NR3C2: variants seen among roughly 807,000 people sequenced by gnomAD.
NR3C2 encodes mineralocorticoid receptor.
NR3C2 carries 15 observed loss-of-function variants against 86.4 expected under a neutral mutation model. The ratio of observed to expected loss-of-function variants is 0.17; its 90% confidence interval spans 0.12 to 0.27. The LOEUF is 0.27. NR3C2 is among the 10% of genes least tolerant of loss of function. The probability of loss-of-function intolerance (pLI) is 1.00; values close to 1 mark genes in which losing one functional copy is unlikely to be tolerated. For synonymous variants in NR3C2, 458 were observed against 450.5 expected (o/e 1.02, Z -0.21); for missense variants, 960 against 1,195.6 (o/e 0.80, Z 2.91).
intron 2 of NR3C2, among the ~76,000 whole-genome samples, chr4:148,417,869 A>G (rs1260587694): frequency 6.6e-6 from 1 of 152,206 alleles, no homozygotes; most frequent in Non-Finnish European, 1.5e-5. Flanking sequence ...AACAGTGCTT[A>G]TATTTGAATA....
intron 2 of NR3C2, among the ~76,000 whole-genome samples, chr4:148,290,319 G>C (rs944519622): frequency 6.6e-6 from 1 of 152,074 alleles, no homozygotes; most frequent in African/African-American, 2.4e-5. Context: ...CCAAATATAG[G>C]TACTGAGAGT....
At position 148,349,473 on chromosome 4, in the gene NR3C2, G is replaced by T. The variant is rs61761523; in HGVS notation, c.1757+85631C>A. 3.9e-3 allele frequency among the ~76,000 whole-genome samples: 586 copies of T among 152,156 alleles called. 5 individuals are homozygous for T. Among genetic ancestry groups the T allele is most frequent in the African/African-American group, 8.6e-3 (357 of 41,538 alleles). ...GTTAGAAAACAAACCTAAAAGAAAA[G>T]AAATTGTACTCAGAGAAAGAAGGAC... On this transcript the variant is annotated intron_variant, in intron 2 of 8. Transcript: ENST00000358102.
At chr4:148,115,214 G>A (rs887845802) in intron 7 of NR3C2, among the ~76,000 whole-genome samples, 1 of 152,158 alleles carries the variant, frequency 6.6e-6, no homozygotes, top group Non-Finnish European at 1.5e-5. Context: ...TCACTTAAAA[G>A]GAATACTTTG....
At position 148,401,285 on chromosome 4, in the gene NR3C2, GA is replaced by G. The variant is rs558649421; in HGVS notation, c.1757+33818del. ...GCGGAAGCATGGCAGAGGCTGCTAG[GA>G]GAATATCCATTCTCCTGTCTCCCTA... On this transcript the variant is annotated intron_variant, in intron 2 of 8. Coordinates refer to ENST00000358102, the MANE Select transcript of NR3C2 (RefSeq NM_000901.5). Among the ~76,000 whole-genome samples the G allele has an allele frequency of 3.9e-5, 6 of 152,190 alleles. No individual in the cohort carries two copies. The East Asian group carries it at 1.2e-3, about 29-fold the overall frequency.
rs747152467 is a variant in NR3C2 at position 148,436,720 on chromosome 4, G to C, written c.141C>G (p.Asn47Lys). The C allele has an allele frequency of 1.2e-6, 2 of 1,614,008 alleles. No homozygotes were observed. Among genetic ancestry groups the C allele is most frequent in the Non-Finnish European group, 1.7e-6 (2 of 1,180,048 alleles). ...GAATAGCACCGGAAACACAGCTTAC[G>C]TTGACAATCTCCATGTAGTTATTCT... is the stretch of plus-strand genomic sequence containing the variant. ...TDENNYMEIV[N>K]VSCVSGAIPN... is the part of the protein sequence containing the mutation. The change falls in exon 2 of 9, where the codon AAC becomes AAG. Residue 47 changes from asparagine to lysine, a missense_variant. This residue lies in a region of NR3C2 where 680 missense variants were observed against 719.0 expected (regional missense o/e 0.95). Transcript: ENST00000358102.
chr4:148,324,454 A>T (rs1743847068), intron 2 of NR3C2, among the ~76,000 whole-genome samples: 1 of 151,734 alleles, frequency 6.6e-6, no homozygotes, highest in Non-Finnish European at 1.5e-5. Flanking sequence ...TTGTTTCCAT[A>T]TCTTGGCTAC....
intron 3 of NR3C2, among the ~76,000 whole-genome samples, chr4:148,224,939 T>G (rs892296076): frequency 6.6e-6 from 1 of 152,238 alleles, no homozygotes; most frequent in Non-Finnish European, 1.5e-5. Flanking sequence ...ATTTCCATTT[T>G]ATTCAAGTTA....
At chr4:148,214,706 G>C (rs998292278) in intron 3 of NR3C2, among the ~76,000 whole-genome samples, 1 of 152,198 alleles carries the variant, frequency 6.6e-6, no homozygotes, top group Non-Finnish European at 1.5e-5. Flanking sequence ...CAAGGAAAGA[G>C]CAGCTGCTAC....
At chr4:148,363,803 G>T (rs897510715) in intron 2 of NR3C2, among the ~76,000 whole-genome samples, 1 of 151,982 alleles carries the variant, frequency 6.6e-6, no homozygotes, top group East Asian at 1.9e-4. Context: ...GCGCCCAGCC[G>T]ACTTTTCATA....
At position 148,131,403 on chromosome 4, in the gene NR3C2, T is replaced by A. The variant is rs564222344; in HGVS notation, c.2511-11115A>T. Among the ~76,000 whole-genome samples, 5 of 152,264 alleles carry A rather than the reference T, an allele frequency of 3.3e-5. No homozygotes were observed. The South Asian group carries it at 1.0e-3, about 32-fold the overall frequency. ...GGTCCATGTCTCAGGCTTATTATAT[T>A]CCTAAAAACAGCATGCAGAAAAACA... On this transcript the variant is annotated intron_variant, in intron 6 of 8. Coordinates refer to ENST00000358102, the MANE Select transcript of NR3C2 (RefSeq NM_000901.5).
chr4:148,228,337 A>G (rs1055590345), intron 3 of NR3C2, among the ~76,000 whole-genome samples: 5 of 152,114 alleles, frequency 3.3e-5, no homozygotes, highest in Non-Finnish European at 7.4e-5. Flanking sequence ...CATCGTCCAT[A>G]TCAACTCAGA....
intron 2 of NR3C2, among the ~76,000 whole-genome samples, chr4:148,279,415 T>G (rs183672597): frequency 1.3e-5 from 2 of 152,158 alleles, no homozygotes; most frequent in Admixed American, 6.5e-5. Context: ...CTTCACATTA[T>G]TGGATGAGCG....
intron 3 of NR3C2, among the ~76,000 whole-genome samples, chr4:148,195,231 C>T (rs907083188): frequency 7.9e-5 from 12 of 152,202 alleles, no homozygotes; most frequent in African/African-American, 2.4e-5. Context: ...AGCTGCTATG[C>T]CTGCCCACCA....
intron 2 of NR3C2, among the ~76,000 whole-genome samples, chr4:148,377,135 T>A (rs981307714): frequency 4.6e-5 from 7 of 152,180 alleles, no homozygotes; most frequent in African/African-American, 1.7e-4. Flanking sequence ...AAAAGAAAGG[T>A]AAATACATAT....
chr4:148,417,480 T>C (rs1360379106), intron 2 of NR3C2, among the ~76,000 whole-genome samples: 7 of 152,316 alleles, frequency 4.6e-5, no homozygotes, highest in African/African-American at 1.2e-4. Flanking sequence ...CATAGTGAGA[T>C]TGTAAAGACT....
At chr4:148,249,411 CTT>C (rs1218857819) in intron 3 of NR3C2, among the ~76,000 whole-genome samples, 2 of 152,062 alleles carry the variant, frequency 1.3e-5, no homozygotes, top group Non-Finnish European at 2.9e-5. Context: ...TTATATCAGA[CTT>C]ATCAAAAATC....
At chr4:148,267,185 T>C (rs1561009380) in intron 2 of NR3C2, among the ~76,000 whole-genome samples, 1 of 152,242 alleles carries the variant, frequency 6.6e-6, no homozygotes, top group Admixed American at 6.5e-5. Flanking sequence ...CGACTCAGTA[T>C]ATTCAAGAAC....
chr4:148,288,887 A>G (rs1741661316), intron 2 of NR3C2, among the ~76,000 whole-genome samples: 1 of 152,132 alleles, frequency 6.6e-6, no homozygotes, highest in Non-Finnish European at 1.5e-5. Flanking sequence ...TTCTGGTGGG[A>G]ATAAGTTTAG....
intron 3 of NR3C2, among the ~76,000 whole-genome samples, chr4:148,244,797 T>G (rs1739238016): frequency 6.6e-6 from 1 of 152,246 alleles, no homozygotes; most frequent in South Asian, 2.1e-4. Context: ...AGTTAGAATT[T>G]AAATTACTCC....
Sources: allele counts gnomAD v4.1 joint callset (sites outside exome capture counted in the v4.1 genomes callset), GRCh38; gene constraint gnomAD v4.1.1; regional missense constraint gnomAD v4.1.1; transcripts MANE v1.5; gene names NCBI Gene and HGNC (gene_info 2026-07-23, HGNC 2026-07-21).